TSGA10: variants seen among roughly 807,000 people sequenced by gnomAD.
TSGA10 encodes the protein testis-specific gene 10 protein.
A neutral mutation model predicts 96.6 loss-of-function variants in TSGA10; 43 were observed. That is an observed-to-expected ratio of 0.44 (90% CI 0.35 to 0.57). The LOEUF (loss-of-function observed/expected upper bound fraction) is 0.57. Among genes scored for constraint, TSGA10 ranks in the 20% least tolerant of loss-of-function variants. TSGA10 has a pLI of 0.01. For missense variants in TSGA10, 703 were observed against 834.4 expected, an observed-to-expected ratio of 0.84 and a Z score of 1.94; for synonymous variants, 229 against 269.9, an observed-to-expected ratio of 0.85 and a Z score of 1.48.
intron 6 of TSGA10, 121 bp downstream of exon 6, chr2:99,109,268 C>G: frequency 9.2e-7 from 1 of 1,084,442 alleles, no homozygotes; most frequent in Non-Finnish European, 1.4e-6. Flanking sequence ...TCTCTCAACC[C>G]CTTTGAAACA....
intron 1 of TSGA10, among the ~76,000 whole-genome samples, chr2:99,153,835 C>T (rs1227597923): frequency 1.3e-5 from 2 of 152,160 alleles, no homozygotes; most frequent in Admixed American, 6.5e-5. Context: ...GGTCATTTAC[C>T]GTATCAGCAT....
intron 16 of TSGA10, among the ~76,000 whole-genome samples, chr2:99,045,458 G>A (rs553431300): frequency 1.4e-4 from 22 of 152,208 alleles, no homozygotes; most frequent in South Asian, 4.2e-4. Flanking sequence ...AATTTTCAAC[G>A]CAGAATTTCA....
At chr2:99,070,732 G>T (rs2085864300) in intron 14 of TSGA10, among the ~76,000 whole-genome samples, 1 of 152,002 alleles carries the variant, frequency 6.6e-6, no homozygotes, top group Non-Finnish European at 1.5e-5. Flanking sequence ...CCATGTTTTG[G>T]TTTTTATTGC....
intron 10 of TSGA10, among the ~76,000 whole-genome samples, chr2:99,095,398 TAAAC>T (rs1349580937): frequency 6.6e-6 from 1 of 151,926 alleles, no homozygotes; most frequent in Admixed American, 6.6e-5. Context: ...CTATGGAAAT[TAAAC>T]AAATAAAATA....
At chr2:99,121,213 T>C (rs2092553491) in intron 2 of TSGA10, among the ~76,000 whole-genome samples, 3 of 152,134 alleles carry the variant, frequency 2.0e-5, no homozygotes, top group Admixed American at 2.0e-4. Flanking sequence ...GTATGGTAAA[T>C]GTATGTTTAG....
At chr2:99,011,108 G>A (rs1378968752) in intron 20 of TSGA10, among the ~76,000 whole-genome samples, 11 of 152,052 alleles carry the variant, frequency 7.2e-5, no homozygotes, top group South Asian at 2.1e-4. Context: ...ACCCTGCCCC[G>A]ACCTAAAGTG....
Position 99,005,519 on chromosome 2 carries a change from T to C in TSGA10, c.2073-7298A>G, listed in dbSNP as rs1190273874. Among the ~76,000 whole-genome samples the C allele has an allele frequency of 3.3e-5, 5 of 152,196 alleles. No individual in the cohort carries two copies. In the East Asian group the frequency reaches 7.7e-4, roughly 24 times the overall value. ...AATAACAGACAGACAGAGAGCCAAA[T>C]CATGAGTGAACTCCCATTCACAACT... is the stretch of plus-strand genomic sequence containing the variant. On this transcript the variant is annotated intron_variant, in intron 20 of 20. Transcript: ENST00000393483.
chr2:99,008,744 A>G (rs2078721518), intron 20 of TSGA10, among the ~76,000 whole-genome samples: 1 of 152,214 alleles, frequency 6.6e-6, no homozygotes, highest in South Asian at 2.1e-4. Context: ...CCTTGTTTGT[A>G]ATTGCAAATT....
In TSGA10 at chr2:99,105,591, T is replaced by C. The variant is rs954120305; in HGVS notation, c.317A>G (p.Asp106Gly). 2 of 1,611,470 alleles carry C rather than the reference T, an allele frequency of 1.2e-6. No individual in the cohort carries two copies. The highest frequency in any genetic ancestry group is 1.7e-6 in the Non-Finnish European group (2 of 1,177,722). The change falls in exon 8 of 21, where the codon GAT (aspartate) becomes GGT (glycine). Residue 106 changes from aspartate (D) to glycine (G), a missense_variant. Transcript: ENST00000393483. ...TCTTCGTAAATCAGTAAAGGCTACATCTCTTTCAGTCTCCACTCGCCGGAG... is the reference window on the plus strand; with the variant it reads ...TCTTCGTAAATCAGTAAAGGCTACACCTCTTTCAGTCTCCACTCGCCGGAG... ...AILRRVETER[D>G]VAFTDLRRMT...
At chr2:99,029,387 T>C (rs955809897) in intron 17 of TSGA10, among the ~76,000 whole-genome samples, 1 of 152,072 alleles carries the variant, frequency 6.6e-6, no homozygotes, top group Admixed American at 6.5e-5. Context: ...ATAGTGTGAA[T>C]TATATATCAA....
In TSGA10 at chr2:99,041,069, C is replaced by T. The variant is rs146238118; in HGVS notation, c.1405-5630G>A. 5.3e-5 allele frequency among the ~76,000 whole-genome samples: 8 copies of T among 152,340 alleles called. No individual in the cohort carries two copies. In the East Asian group the frequency reaches 1.5e-3, roughly 29 times the overall value. ...AACCTTTCATAAGCAACTTCCTCTT[C>T]TTTGTTCTCTCTTGCACTTACCTAT... On this transcript the variant is annotated intron_variant, in intron 16 of 20. Transcript: ENST00000393483.
chr2:99,092,081 A>T (rs536638742), intron 10 of TSGA10, among the ~76,000 whole-genome samples: 1 of 152,284 alleles, frequency 6.6e-6, no homozygotes, highest in East Asian at 1.9e-4. Flanking sequence ...TATATCAAGT[A>T]CTGTCTCTGA....
At chr2:99,143,427 G>A (rs1326530622) in intron 1 of TSGA10, among the ~76,000 whole-genome samples, 1 of 150,922 alleles carries the variant, frequency 6.6e-6, no homozygotes, top group Non-Finnish European at 1.5e-5. Flanking sequence ...CCAAAGTGCT[G>A]GGATTACAGG....
chr2:99,039,353 G>C (rs2081981092), intron 16 of TSGA10, among the ~76,000 whole-genome samples: 1 of 149,028 alleles, frequency 6.7e-6, no homozygotes, highest in South Asian at 2.1e-4. Context: ...ACAAAAAGCT[G>C]GTTGAGAAGA....
intron 12 of TSGA10, among the ~76,000 whole-genome samples, chr2:99,075,001 T>C (rs551657172): frequency 2.6e-5 from 4 of 152,182 alleles, no homozygotes; most frequent in Non-Finnish European, 4.4e-5. Flanking sequence ...ATATGTTTGA[T>C]AAGCCTAAAA....
chr2:99,127,078 T>C lies in TSGA10; in HGVS notation c.-522A>G. 3 of 1,289,706 alleles carry C rather than the reference T, an allele frequency of 2.3e-6. No homozygotes were observed. The highest frequency in any genetic ancestry group is 3.0e-6 in the Non-Finnish European group (3 of 988,824). The allele number at this position is 1,289,706 out of a possible 1,614,324, so 79.9% of individuals were successfully genotyped here. A position where few individuals can be genotyped will look rare whatever the true frequency, so the allele number is the denominator to read the frequency against. On this transcript the variant is annotated 5_prime_UTR_variant, in exon 2 of 21. Transcript: ENST00000393483. Reference sequence around the variant, plus strand: ...ATTTCAGTGTCGAGATGAATCTATCTTGGTTTCTCACTTCTTGTTCTAGCT... The same window carrying C: ...ATTTCAGTGTCGAGATGAATCTATCCTGGTTTCTCACTTCTTGTTCTAGCT...
chr2:99,038,999 T>C (rs1001739900), intron 16 of TSGA10, among the ~76,000 whole-genome samples: 1 of 152,122 alleles, frequency 6.6e-6, no homozygotes, highest in Non-Finnish European at 1.5e-5. Context: ...CTCAAAACTA[T>C]AAAAATATAT....
chr2:99,125,262 T>C (rs1194700780), intron 2 of TSGA10: 5 of 152,244 alleles, frequency 3.3e-5, no homozygotes, highest in African/African-American at 1.2e-4. Context: ...AGTTTGCTTA[T>C]CCATTCATCT....
At chr2:99,018,091 A>T in intron 20 of TSGA10, 109 bp downstream of exon 20, 1 of 1,038,570 alleles carries the variant, frequency 9.6e-7, no homozygotes, top group Non-Finnish European at 1.3e-6. Context: ...AATCATGTTT[A>T]AATATCACTA....
Sources: allele counts gnomAD v4.1 joint callset (sites outside exome capture counted in the v4.1 genomes callset), GRCh38; gene constraint gnomAD v4.1.1; transcripts MANE v1.5; gene names NCBI Gene and HGNC (gene_info 2026-07-23, HGNC 2026-07-21).